Variants in FANCA observed in about 807,000 individuals in gnomAD.
FANCA encodes FA complementation group A.
In FANCA, 236 loss-of-function variants were observed where a neutral mutation model predicts 194.3. That is an observed-to-expected ratio of 1.21 (90% confidence interval 1.09 to 1.35). FANCA has a LOEUF of 1.35. Among genes scored for constraint, FANCA ranks in the 40% most tolerant of loss-of-function variants. The pLI is 0.00. For synonymous variants in FANCA, 1,014 were observed against 715.8 expected (o/e 1.42, Z -6.65); for missense variants, 2,628 against 1,813.9 (o/e 1.45, Z -8.15).
intron 10 of FANCA, chr16:89,798,770 C>A: frequency 1.4e-6 from 2 of 1,395,728 alleles, no homozygotes; most frequent in Non-Finnish European, 9.3e-7. Context: ...TCTGTAGAGG[C>A]ACAGCTACAG....
chr16:89,773,234 C>T (rs1012991670), intron 22 of FANCA, 37 bp downstream of exon 22: 2 of 1,479,544 alleles, frequency 1.4e-6, no homozygotes, highest in Admixed American at 3.9e-5. Context: ...ACAGGCTGCA[C>T]ACATGAGACA....
intron 13 of FANCA, 46 bp downstream of exon 13, chr16:89,791,881 T>A (rs369053988): frequency 7.4e-6 from 12 of 1,612,660 alleles, no homozygotes; most frequent in Admixed American, 3.3e-5. Context: ...GACACCCCCC[T>A]ACACACACTC....
chr16:89,785,854 TTTTG>T (rs1212990589), intron 14 of FANCA, among the ~76,000 whole-genome samples: 6 of 51,328 alleles, frequency 1.2e-4, no homozygotes, highest in South Asian at 8.4e-4. Context: ...CAAAATTGTG[TTTTG>T]TTTTTTTTTT....
intron 18 of FANCA, 52 bp from the exon 19 acceptor site, chr16:89,779,055 T>C (rs1567625759): frequency 6.4e-7 from 1 of 1,561,804 alleles, no homozygotes; most frequent in East Asian, 2.2e-5. Flanking sequence ...GAGAAGGCAA[T>C]TCCCACAGAC....
intron 18 of FANCA, 36 bp downstream of exon 18, chr16:89,779,833 G>A: frequency 6.3e-7 from 1 of 1,575,916 alleles, no homozygotes. Flanking sequence ...TGCACACACT[G>A]CAGCTGCTAG....
In FANCA at chr16:89,738,575, G is replaced by A. The variant is rs1213542472; in HGVS notation, c.*26C>T. 1.9e-6 allele frequency: 3 copies of A among 1,613,028 alleles called. No homozygotes were observed. Among genetic ancestry groups the A allele is most frequent in the Non-Finnish European group, 2.5e-6 (3 of 1,179,996 alleles). On this transcript the variant is annotated 3_prime_UTR_variant, in exon 43 of 43. Transcript: ENST00000389301. Reference sequence around the variant, plus strand: ...GTAATAAATTATTTACACGGGAGCTGGGCTGGTGTGCAGTGGCAGGTCCCG... The same window carrying A: ...GTAATAAATTATTTACACGGGAGCTAGGCTGGTGTGCAGTGGCAGGTCCCG...
intron 3 of FANCA, among the ~76,000 whole-genome samples, chr16:89,812,337 C>A (rs1445363222): frequency 6.7e-6 from 1 of 148,328 alleles, no homozygotes; most frequent in Non-Finnish European, 1.5e-5. Context: ...GACTTCATCT[C>A]AAAAAAACAA....
chr16:89,795,390 A>G (rs560987505), intron 11 of FANCA, among the ~76,000 whole-genome samples: 2 of 151,762 alleles, frequency 1.3e-5, no homozygotes, highest in South Asian at 4.2e-4. Context: ...ACACTTCGAC[A>G]CTCTGGGAAG....
intron 31 of FANCA, among the ~76,000 whole-genome samples, 198 bp from the exon 32 acceptor site, chr16:89,750,100 C>G (rs546161703): frequency 2.0e-5 from 3 of 152,188 alleles, no homozygotes; most frequent in African/African-American, 7.2e-5. Context: ...CTGTGGCTCA[C>G]GTCTGTAATG....
Position 89,807,358 on chromosome 16 carries a change from G to A in FANCA, c.596+936C>T, listed in dbSNP as rs569250322. On this transcript the variant is annotated intron_variant, in intron 6 of 42. Transcript: ENST00000389301. The stretch of plus-strand genomic sequence containing the variant: ...TGTAGTCCCAGCTACTGAGGAGGCA[G>A]GGGCAGAATTGCTTGAATCCGGGAA... Among the ~76,000 whole-genome samples, 45 of 152,100 alleles carry A rather than the reference G, an allele frequency of 3.0e-4. 1 individual carries two copies. The South Asian group carries it at 9.1e-3, about 31-fold the overall frequency.
At chr16:89,762,155 G>A (rs2038974169) in intron 28 of FANCA, 133 bp from the exon 29 acceptor site, 6 of 758,976 alleles carry the variant, frequency 7.9e-6, no homozygotes, top group Middle Eastern at 2.9e-4. Context: ...AATTGCAGCT[G>A]AGAGTTCCAC....
intron 30 of FANCA, among the ~76,000 whole-genome samples, chr16:89,753,578 T>C (rs2038670751): frequency 6.6e-6 from 1 of 152,224 alleles, no homozygotes; most frequent in Non-Finnish European, 1.5e-5. Flanking sequence ...TGACATCCTT[T>C]TGTGATAAAA....
intron 30 of FANCA, among the ~76,000 whole-genome samples, chr16:89,757,978 C>T (rs1402213130): frequency 6.6e-6 from 1 of 152,192 alleles, no homozygotes. Flanking sequence ...GCCTCAGCCT[C>T]CCAAGTAGCT....
chr16:89,751,691 C>A (rs945619850), intron 31 of FANCA, among the ~76,000 whole-genome samples: 1 of 152,082 alleles, frequency 6.6e-6, no homozygotes, highest in South Asian at 2.1e-4. Context: ...ATGCTGCCTA[C>A]CTGTATAGAC....
In FANCA at chr16:89,756,431, C is replaced by G. The variant is rs2038769104; in HGVS notation, c.2981+2146G>C. Among the ~76,000 whole-genome samples, 3 of 152,126 alleles carry G rather than the reference C, an allele frequency of 2.0e-5. No homozygotes were observed. In the South Asian group the frequency reaches 6.2e-4, roughly 31 times the overall value. ...ATCACCTGAGGTCAGAAGTTCAAGA[C>G]CAGTCTGGCCAACATGGTGAAACCC... On this transcript the variant is annotated intron_variant, in intron 30 of 42. Transcript: ENST00000389301.
intron 14 of FANCA, among the ~76,000 whole-genome samples, chr16:89,785,499 C>A (rs1248434512): frequency 6.6e-6 from 1 of 152,184 alleles, no homozygotes; most frequent in Non-Finnish European, 1.5e-5. Context: ...GGCCACCCCT[C>A]AGACAATGAA....
At chr16:89,801,946 T>A (rs888799598) in intron 8 of FANCA, among the ~76,000 whole-genome samples, 1 of 151,840 alleles carries the variant, frequency 6.6e-6, no homozygotes, top group Non-Finnish European at 1.5e-5. Context: ...AGCAATCCCA[T>A]TACTGGGCTT....
chr16:89,742,963 T>C, intron 36 of FANCA, 25 bp from the exon 37 acceptor site: 1 of 1,612,052 alleles, frequency 6.2e-7, no homozygotes, highest in Non-Finnish European at 8.5e-7. Context: ...ACGGGGTCAT[T>C]GCAGGGCCTT....
chr16:89,769,927 G>C lies in FANCA; in HGVS notation c.2414C>G (p.Pro805Arg), dbSNP rs1303230442. The C allele has an allele frequency of 1.9e-6, 3 of 1,614,078 alleles. No individual in the cohort carries two copies. In the East Asian group the frequency reaches 6.7e-5, roughly 36 times the overall value. Residue 805 changes from proline (P) to arginine (R), a missense_variant, in exon 26 of 43, where the codon CCT becomes CGT. Pro to Arg is a moderately radical substitution (Grantham distance 103). Coordinates refer to ENST00000389301, the MANE Select transcript of FANCA (RefSeq NM_000135.4). ...RSALPEVDVG[P>R]PAPGAGLPVP... is the part of the protein sequence containing the mutation. ...AGGAAGGCCAGCACCAGGTGCAGGA[G>C]GACCCACATCCACCTCTGGGAGCGC... is the stretch of plus-strand genomic sequence containing the variant.
Sources: gnomAD v4.1 joint callset for allele counts (sites outside exome capture counted in the v4.1 genomes callset) on GRCh38, gnomAD v4.1.1 for gene constraint, MANE v1.5 for transcripts, NCBI Gene and HGNC (gene_info 2026-07-23, HGNC 2026-07-21) for gene names.